Variants in FRMD4A observed in about 807,000 individuals in gnomAD.
The protein encoded by FRMD4A is FERM domain-containing protein 4A.
Under a neutral mutation model 129.1 loss-of-function variants are expected in FRMD4A, and 29 were observed. The observed-to-expected ratio is 0.22, with a 90% confidence interval of 0.17 to 0.31. FRMD4A has a LOEUF of 0.31. Among genes scored for constraint, FRMD4A ranks in the 10% least tolerant of loss-of-function variants. FRMD4A has a pLI of 1.00. For synonymous variants in FRMD4A, 634 were observed against 571.6 expected (o/e 1.11, Z -1.56); for missense variants, 1,272 against 1,375.8 (o/e 0.92, Z 1.19).
chr10:14,051,132 G>A (rs746153579), intron 2 of FRMD4A, among the ~76,000 whole-genome samples: 3 of 152,186 alleles, frequency 2.0e-5, no homozygotes, highest in East Asian at 1.9e-4. Context: ...TTGTAGAATC[G>A]GGAAGTATTT....
chr10:14,282,625 G>A (rs1845558472), intron 2 of FRMD4A, among the ~76,000 whole-genome samples: 1 of 54 alleles, frequency 0.019, no homozygotes. Flanking sequence ...CTGAAAAAGT[G>A]TGGGGGACCC....
chr10:14,197,636 C>T (rs1038374885), intron 2 of FRMD4A, among the ~76,000 whole-genome samples: 7 of 152,252 alleles, frequency 4.6e-5, no homozygotes, highest in African/African-American at 9.6e-5. Flanking sequence ...GCTGGGATTA[C>T]AGGCGTGAGC....
chr10:14,197,542 G>A (rs1408167554), intron 2 of FRMD4A, among the ~76,000 whole-genome samples: 1 of 151,970 alleles, frequency 6.6e-6, no homozygotes, highest in African/African-American at 2.4e-5. Flanking sequence ...TGTATTTTTA[G>A]CAGAGATGGG....
chr10:14,045,645 CA>C (rs1229922334), intron 2 of FRMD4A, among the ~76,000 whole-genome samples: 2 of 146,540 alleles, frequency 1.4e-5, no homozygotes, highest in African/African-American at 5.0e-5. Flanking sequence ...ATTATAATCA[CA>C]TTCTTATGAT....
chr10:14,020,569 T>G (rs1044322101), intron 2 of FRMD4A, among the ~76,000 whole-genome samples: 1 of 152,192 alleles, frequency 6.6e-6, no homozygotes, highest in African/African-American at 2.4e-5. Flanking sequence ...CAAGTCTTCT[T>G]TTGTTCTTAT....
chr10:13,967,092 C>T (rs2131374153), intron 2 of FRMD4A, among the ~76,000 whole-genome samples: 1 of 152,302 alleles, frequency 6.6e-6, no homozygotes, highest in East Asian at 1.9e-4. Context: ...AATCCCAGCA[C>T]TTCGGAGGCC....
rs968836117 is a variant in FRMD4A, at chr10:13,744,194, T to A, written c.548+3542A>T. Among the ~76,000 whole-genome samples, 37 of 152,048 alleles carry A rather than the reference T, an allele frequency of 2.4e-4. 1 individual carries two copies. The highest frequency in any genetic ancestry group is 2.4e-3 in the Admixed American group (37 of 15,248). ...CAGTGGTTTCGGGGTTAAAAATAGA[T>A]GTCCCTGCATACCTTATTGAGGCGA... is the stretch of plus-strand genomic sequence containing the variant. On this transcript the variant is annotated intron_variant, in intron 9 of 24. Transcript: ENST00000357447.
intron 5 of FRMD4A, among the ~76,000 whole-genome samples, chr10:13,784,198 T>C (rs1017502043): frequency 1.3e-5 from 2 of 151,974 alleles, no homozygotes; most frequent in African/African-American, 4.8e-5. Flanking sequence ...TTTTCTAGAA[T>C]AGTGTTATAA....
At chr10:13,719,750 G>A (rs987098988) in intron 12 of FRMD4A, among the ~76,000 whole-genome samples, 2 of 152,142 alleles carry the variant, frequency 1.3e-5, no homozygotes, top group African/African-American at 2.4e-5. Flanking sequence ...ACCAGAAGTC[G>A]ACAAGCAGGG....
chr10:13,753,508 T>G (rs1007396160), intron 8 of FRMD4A, among the ~76,000 whole-genome samples: 2 of 151,946 alleles, frequency 1.3e-5, no homozygotes, highest in African/African-American at 4.8e-5. Context: ...GGGGGCAACA[T>G]TGCAAACACA....
chr10:14,274,459 GGTTC>G (rs1845269895), intron 2 of FRMD4A, among the ~76,000 whole-genome samples: 1 of 152,148 alleles, frequency 6.6e-6, no homozygotes, highest in Non-Finnish European at 1.5e-5. Context: ...AGAGAGGTGT[GGTTC>G]GCTCTGAGGA....
intron 2 of FRMD4A, among the ~76,000 whole-genome samples, chr10:14,112,608 G>A (rs1001726827): frequency 2.6e-5 from 4 of 152,042 alleles, no homozygotes; most frequent in Non-Finnish European, 5.9e-5. Context: ...TCACTGTAAC[G>A]TCTGCCTCCC....
intron 6 of FRMD4A, among the ~76,000 whole-genome samples, chr10:13,772,035 T>C (rs1263873475): frequency 6.6e-6 from 1 of 151,190 alleles, no homozygotes; most frequent in Non-Finnish European, 1.5e-5. Flanking sequence ...GAGAATTGCA[T>C]GAACCCAGGA....
intron 2 of FRMD4A, among the ~76,000 whole-genome samples, chr10:13,872,338 T>C (rs563671813): frequency 1.3e-5 from 2 of 152,130 alleles, no homozygotes; most frequent in Non-Finnish European, 2.9e-5. Context: ...GGGGCACTGG[T>C]CATTTGTTGA....
At chr10:14,102,770 G>GAA (rs3033974) in intron 2 of FRMD4A, among the ~76,000 whole-genome samples, 81,721 of 148,866 alleles carry the variant, frequency 0.55, 25,472 homozygotes, top group East Asian at 0.77. Context: ...AAGATAGTGA[G>GAA]AAAAAAAAAA....
At chr10:14,027,166 A>G (rs901376052) in intron 2 of FRMD4A, among the ~76,000 whole-genome samples, 3 of 152,248 alleles carry the variant, frequency 2.0e-5, no homozygotes, top group East Asian at 3.8e-4. Context: ...CTGGAATTTC[A>G]TAAGAGATAT....
intron 2 of FRMD4A, among the ~76,000 whole-genome samples, chr10:14,239,169 T>C (rs935652844): frequency 1.3e-5 from 2 of 152,218 alleles, no homozygotes; most frequent in Non-Finnish European, 2.9e-5. Flanking sequence ...GTGGAGATAC[T>C]GTTGGATTGT....
At chr10:13,729,054 A>C (rs2090131649) in intron 12 of FRMD4A, among the ~76,000 whole-genome samples, 1 of 147,586 alleles carries the variant, frequency 6.8e-6, no homozygotes, top group Non-Finnish European at 1.5e-5. Flanking sequence ...GATTCTGGGA[A>C]CTCCCCATGC....
At chr10:14,238,099 C>T (rs1843894745) in intron 2 of FRMD4A, among the ~76,000 whole-genome samples, 1 of 152,182 alleles carries the variant, frequency 6.6e-6, no homozygotes, top group African/African-American at 2.4e-5. Flanking sequence ...AGAACTTTCC[C>T]AGCAATTTGA....
Sources: gnomAD v4.1 joint callset for allele counts (sites outside exome capture counted in the v4.1 genomes callset) on GRCh38, gnomAD v4.1.1 for gene constraint, MANE v1.5 for transcripts, NCBI Gene and HGNC (gene_info 2026-07-23, HGNC 2026-07-21) for gene names.